MATR3: variants seen among roughly 807,000 people sequenced by gnomAD.
MATR3 encodes matrin 3.
Under a neutral mutation model 85.5 loss-of-function variants are expected in MATR3, and 4 were observed. The ratio of observed to expected loss-of-function variants is 0.05; its 90% CI spans 0.02 to 0.11. The LOEUF (loss-of-function observed/expected upper bound fraction) is 0.11, where lower values mean the gene tolerates loss of function less well. MATR3 is among the 10% of genes least tolerant of loss of function. The pLI is 1.00. For synonymous variants in MATR3, 336 were observed against 343.1 expected, an observed-to-expected ratio of 0.98 and a Z score of 0.23; for missense variants, 685 against 1,016.1, an observed-to-expected ratio of 0.67 and a Z score of 4.43.
chr5:139,296,703 A>C (rs558753053), intron 1 of MATR3, among the ~76,000 whole-genome samples: 1 of 152,372 alleles, frequency 6.6e-6, no homozygotes, highest in South Asian at 2.1e-4. Context: ...CTTAGGCAAA[A>C]ATGTTAAAAT....
rs568550539 is a variant in MATR3, at chr5:139,282,655, A to G, written c.-178+3526A>G. On this transcript the variant is annotated intron_variant, in intron 3 of 16. Transcript: ENST00000509990. ...TATGGTTGTCACAATTAAATGGGCT[A>G]ATATTGATACATTAGTATTAACTAA... 2.6e-5 allele frequency: 4 copies of G among 152,340 alleles called. No homozygotes were observed. The East Asian group carries it at 7.7e-4, about 29-fold the overall frequency. 9.4% of individuals were successfully genotyped at this position (152,340 alleles called of 1,614,324 possible).
intron 5 of MATR3, 120 bp downstream of exon 5, chr5:139,316,308 C>T (rs1755239752): frequency 5.5e-6 from 4 of 732,452 alleles, no homozygotes; most frequent in Non-Finnish European, 7.2e-6. Context: ...TGCAATGGCA[C>T]GATCTCGACT....
chr5:139,297,046 C>G (rs1012147266), intron 1 of MATR3, among the ~76,000 whole-genome samples: 1 of 152,140 alleles, frequency 6.6e-6, no homozygotes. Flanking sequence ...GTGGCAGGCA[C>G]CTGTAATGTA....
At position 139,307,778 on chromosome 5, in the gene MATR3, C is replaced by T; in HGVS notation, c.363C>T (p.Asp121=). 1 of 1,614,120 alleles carries T rather than the reference C, an allele frequency of 6.2e-7. No individual in the cohort carries two copies. The highest frequency in any genetic ancestry group is 8.5e-7 in the Non-Finnish European group (1 of 1,180,028). Residue 121 remains aspartate (D), a synonymous_variant, in exon 2 of 15, where the codon GAC becomes GAT. Transcript: ENST00000394805. This position sits in a 1 kb window ranked among gnomAD's most constrained non-coding sequence, Gnocchi z 4.4. ...ILASFGLSAR[D]LDELSRYPED... ...CCAGCTTTGGTCTGTCTGCTAGAGA[C>T]TTAGATGAACTGAGTCGTTATCCAG...
intron 3 of MATR3, chr5:139,314,959 C>T (rs1561937584): frequency 6.3e-6 from 3 of 478,012 alleles, no homozygotes; most frequent in Non-Finnish European, 1.1e-5. Context: ...TTCTAGGATA[C>T]ATATATATTG....
chr5:139,322,314 G>C, intron 10 of MATR3, 149 bp from the exon 11 acceptor site: 1 of 814,386 alleles, frequency 1.2e-6, no homozygotes, highest in Non-Finnish European at 2.1e-6. Flanking sequence ...TGGTCATGAT[G>C]AATGTCTGTA....
intron 3 of MATR3, among the ~76,000 whole-genome samples, chr5:139,284,675 AAC>A (rs1273812226): frequency 1.3e-5 from 2 of 152,196 alleles, no homozygotes; most frequent in Non-Finnish European, 2.9e-5. Context: ...TGTTAACTAA[AAC>A]ACATGTGTAG....
Position 139,303,562 on chromosome 5 carries a change from C to T in MATR3, c.-177-3677C>T, listed in dbSNP as rs184440360. Among the ~76,000 whole-genome samples, 296 of 152,026 alleles carry T rather than the reference C, an allele frequency of 1.9e-3. 1 individual carries two copies. The highest frequency in any genetic ancestry group is 6.9e-3 in the African/African-American group (286 of 41,474). ...AGCCTGGCCAACATGGTGAAAACCC[C>T]CTCTCTACCAAAACAATGAAAACTA... On this transcript the variant is annotated intron_variant, in intron 1 of 14. Transcript: ENST00000394805.
chr5:139,316,859 T>A (rs549111227), intron 5 of MATR3, among the ~76,000 whole-genome samples, 194 bp from the exon 6 acceptor site: 2 of 152,302 alleles, frequency 1.3e-5, no homozygotes, highest in African/African-American at 4.8e-5. Flanking sequence ...TTCTGAAAAT[T>A]AAAGGCAATG....
intron 14 of MATR3, among the ~76,000 whole-genome samples, chr5:139,327,722 G>A (rs1044397580): frequency 6.6e-6 from 1 of 151,534 alleles, no homozygotes; most frequent in Non-Finnish European, 1.5e-5. Flanking sequence ...TGCCCGCCCT[G>A]GTACAAATAT....
intron 12 of MATR3, 199 bp from the exon 13 acceptor site, chr5:139,325,237 GCAGA>G: frequency 6.5e-7 from 1 of 1,536,718 alleles, no homozygotes; most frequent in Non-Finnish European, 8.8e-7. Flanking sequence ...TTCAAGTAAA[GCAGA>G]CAGAAGGGAT....
At position 139,326,147 on chromosome 5, in the gene MATR3, A is replaced by G. The variant is rs750458307; in HGVS notation, c.2372-16A>G. 2.5e-6 allele frequency: 4 copies of G among 1,577,090 alleles called. No homozygotes were observed. In the African/African-American group the frequency reaches 5.4e-5, roughly 21 times the overall value. ...TCTTCAGTTTAATTTGTAAGAATGT[A>G]TGTTTGTATTTCTAGGTATAGACTA... On this transcript the variant is annotated splice_polypyrimidine_tract_variant and intron_variant, in intron 13 of 14. Coordinates refer to ENST00000394805, the MANE Select transcript of MATR3 (RefSeq NM_018834.6).
At chr5:139,306,637 TA>T (rs1236803776) in intron 1 of MATR3, among the ~76,000 whole-genome samples, 1 of 152,238 alleles carries the variant, frequency 6.6e-6, no homozygotes, top group Non-Finnish European at 1.5e-5. Context: ...CTTAAAACTA[TA>T]GGAAATGACT....
At chr5:139,322,563 A>G (rs1290236564) in intron 11 of MATR3, 35 bp from the exon 12 acceptor site, 8 of 1,583,760 alleles carry the variant, frequency 5.1e-6, no homozygotes, top group Admixed American at 1.7e-5. Context: ...TTTTTCAGAC[A>G]ACAAATTAAT....
intron 1 of MATR3, among the ~76,000 whole-genome samples, chr5:139,298,656 A>G (rs939486448): frequency 1.3e-5 from 2 of 152,178 alleles, no homozygotes; most frequent in African/African-American, 4.8e-5. Context: ...GCAGAGAGAA[A>G]AGCCTAGGAG....
At chr5:139,293,580 G>C (rs892763477), upstream of MATR3, 2 of 176,102 alleles carry the variant, frequency 1.1e-5, no homozygotes, top group African/African-American at 4.7e-5. Flanking sequence ...CCGCAGGCGA[G>C]TGCACGAGCG....
At chr5:139,299,670 C>T (rs149971489) in intron 1 of MATR3, among the ~76,000 whole-genome samples, 19 of 152,206 alleles carry the variant, frequency 1.2e-4, no homozygotes, top group African/African-American at 3.6e-4. Context: ...AAAAGGAAAT[C>T]GTAGTGTGGA....
Position 139,331,037 on chromosome 5 carries a change from C to G in MATR3, c.*1642C>G. On this transcript the variant is annotated 3_prime_UTR_variant, in exon 15 of 15. Coordinates refer to ENST00000394805, the MANE Select transcript of MATR3 (RefSeq NM_018834.6). ...AATTCCTGGGCCCAAGTGATCTGCT[C>G]GCTTCAGCCTCCCAAAGTGCTGGGA... The G allele has an allele frequency of 2.2e-6, 1 of 454,014 alleles. No individual in the cohort carries two copies. The highest frequency in any genetic ancestry group is 1.6e-5 in the South Asian group (1 of 64,458). 28.1% of individuals were successfully genotyped at this position (454,014 alleles called of 1,614,324 possible).
At chr5:139,281,252 G>A (rs1753506487) in intron 3 of MATR3, among the ~76,000 whole-genome samples, 1 of 152,020 alleles carries the variant, frequency 6.6e-6, no homozygotes, top group East Asian at 1.9e-4. Flanking sequence ...ACAGCTCACT[G>A]CAGTCTCAAC....
Sources: allele counts gnomAD v4.1 joint callset (sites outside exome capture counted in the v4.1 genomes callset), GRCh38; gene constraint gnomAD v4.1.1; non-coding constraint Gnocchi (gnomAD v3.1); transcripts MANE v1.5; gene names NCBI Gene and HGNC (gene_info 2026-07-23, HGNC 2026-07-21).